PRIM2: variants seen among roughly 807,000 people sequenced by gnomAD.
The protein encoded by PRIM2 is DNA primase large subunit.
A neutral mutation model predicts 67.3 loss-of-function variants in PRIM2; 39 were observed. The ratio of observed to expected loss-of-function variants is 0.58; its 90% confidence interval spans 0.45 to 0.76. The LOEUF is 0.76. PRIM2 is among the 30% of genes least tolerant of loss of function. The probability of loss-of-function intolerance (pLI) is 0.00; values close to 1 mark genes in which losing one functional copy is unlikely to be tolerated. For missense variants in PRIM2, 398 were observed against 598.7 expected (o/e 0.66, Z 3.50); for synonymous variants, 143 against 198.7 (o/e 0.72, Z 2.36).
At chr6:57,391,089 T>C (rs1471272036) in intron 7 of PRIM2, among the ~76,000 whole-genome samples, 1 of 145,784 alleles carries the variant, frequency 6.9e-6, no homozygotes, top group Non-Finnish European at 1.5e-5. Context: ...CTGACTGGTA[T>C]GAGATGGTAT....
chr6:57,619,070 G>A (rs1776805573), intron 12 of PRIM2, among the ~76,000 whole-genome samples: 1 of 152,172 alleles, frequency 6.6e-6, no homozygotes, highest in Non-Finnish European at 1.5e-5. Context: ...CCGTGGTTGA[G>A]AGACCCATAG....
At chr6:57,518,324 A>C (rs1554348479) in intron 8 of PRIM2, among the ~76,000 whole-genome samples, 1 of 152,214 alleles carries the variant, frequency 6.6e-6, no homozygotes, top group Non-Finnish European at 1.5e-5. Context: ...TTAATCATCC[A>C]ATGTAAAGTC....
chr6:57,290,320 A>G, the PRIM2 span, among the ~76,000 whole-genome samples: 1 of 152,182 alleles, frequency 6.6e-6, no homozygotes, highest in African/African-American at 2.4e-5. Flanking sequence ...CTAAATATAT[A>G]TGCACCCAAT....
rs1385404257 is a variant in PRIM2 at position 57,320,521 on chromosome 6, G to A, written c.219G>A (p.Lys73=). The change falls in exon 3 of 14, where the codon AAG becomes AAA. Residue 73 remains lysine (K), a synonymous_variant. Transcript: ENST00000615550. ...AAGGAACTGAACAATACCAGAGTAA[G>A]TTGGAGAGTGAGCTTCGGAAGCTCA... ...YVKGTEQYQS[K]LESELRKLKF... 1 of 1,610,122 alleles carries A rather than the reference G, an allele frequency of 6.2e-7. No homozygotes were observed. The highest frequency in any genetic ancestry group is 2.2e-5 in the East Asian group (1 of 44,838).
the PRIM2 span, among the ~76,000 whole-genome samples, chr6:57,300,456 T>TTC: frequency 1.3e-5 from 2 of 152,096 alleles, no homozygotes; most frequent in African/African-American, 4.8e-5. Context: ...TGTGTGTATG[T>TTC]GCGTGTGTGT....
chr6:57,408,385 T>G (rs1414984518), intron 7 of PRIM2, among the ~76,000 whole-genome samples: 1 of 152,198 alleles, frequency 6.6e-6, no homozygotes, highest in East Asian at 1.9e-4. Flanking sequence ...AGACGGTGTC[T>G]GATTTGCATA....
intron 12 of PRIM2, among the ~76,000 whole-genome samples, chr6:57,607,123 C>T (rs1273062692): frequency 6.6e-6 from 1 of 152,148 alleles, no homozygotes; most frequent in African/African-American, 2.4e-5. Context: ...CTTCTGCTTC[C>T]TTAGCTTAAA....
chr6:57,371,531 T>A (rs552353168), intron 5 of PRIM2, among the ~76,000 whole-genome samples: 2 of 152,312 alleles, frequency 1.3e-5, no homozygotes, highest in East Asian at 3.9e-4. Flanking sequence ...AATTTCAGTT[T>A]TGCCAGATCT....
chr6:57,244,370 T>C, the PRIM2 span, among the ~76,000 whole-genome samples: 1 of 152,242 alleles, frequency 6.6e-6, no homozygotes, highest in Non-Finnish European at 1.5e-5. Flanking sequence ...AGAGAACTTT[T>C]GTTCACATAA....
the PRIM2 span, among the ~76,000 whole-genome samples, chr6:57,256,714 T>TCACACACACACACA: frequency 3.7e-5 from 5 of 134,484 alleles, no homozygotes; most frequent in East Asian, 6.1e-4. Context: ...TCTCTCACTT[T>TCACACACACACACA]CACACACACA....
Position 57,646,501 on chromosome 6 carries a change from G to C in PRIM2, c.*343G>C. 5.2e-6 allele frequency: 1 copy of C among 193,898 alleles called. No individual in the cohort carries two copies. Among genetic ancestry groups the C allele is most frequent in the Admixed American group, 5.8e-5 (1 of 17,254 alleles). 12.0% of individuals were successfully genotyped at this position (193,898 alleles called of 1,614,324 possible). The stretch of plus-strand genomic sequence containing the variant: ...GCTGGGATTACGGTTGTGAGCCACT[G>C]TGCCTGGCCTTTTTTTTTTTTTTAA... On this transcript the variant is annotated 3_prime_UTR_variant, in exon 14 of 14. Transcript: ENST00000615550.
chr6:57,620,745 AT>A (rs1776838201), intron 12 of PRIM2, among the ~76,000 whole-genome samples: 1 of 152,280 alleles, frequency 6.6e-6, no homozygotes, highest in Admixed American at 6.5e-5. Flanking sequence ...CTAACATTGA[AT>A]GTAAATGGCC....
intron 7 of PRIM2, among the ~76,000 whole-genome samples, chr6:57,417,013 C>G (rs1213916594): frequency 2.6e-4 from 39 of 151,082 alleles, no homozygotes; most frequent in African/African-American, 8.7e-4. Flanking sequence ...GTCACTCAGG[C>G]TGGAGTGCAA....
At chr6:57,573,712 G>C (rs1231730053) in intron 10 of PRIM2, among the ~76,000 whole-genome samples, 2 of 152,072 alleles carry the variant, frequency 1.3e-5, no homozygotes, top group Non-Finnish European at 2.9e-5. Flanking sequence ...TAAGCAATTG[G>C]ATTTGTCTTT....
At chr6:57,426,548 C>T (rs1303153115) in intron 7 of PRIM2, among the ~76,000 whole-genome samples, 7 of 152,122 alleles carry the variant, frequency 4.6e-5, no homozygotes, top group African/African-American at 7.2e-5. Flanking sequence ...TGCTAGTCAT[C>T]GAGGAAATGC....
intron 8 of PRIM2, among the ~76,000 whole-genome samples, chr6:57,508,999 C>G (rs1201667517): frequency 1.2e-4 from 19 of 152,126 alleles, no homozygotes; most frequent in Non-Finnish European, 2.1e-4. Context: ...TCTTTTTAAA[C>G]TTCTCTTTCA....
At chr6:57,272,905 T>A in the PRIM2 span, among the ~76,000 whole-genome samples, 1 of 152,232 alleles carries the variant, frequency 6.6e-6, no homozygotes, top group Non-Finnish European at 1.5e-5. Flanking sequence ...TGGCTGGATA[T>A]GAAATTCTGG....
At chr6:57,298,023 CTT>C in the PRIM2 span, among the ~76,000 whole-genome samples, 1 of 152,122 alleles carries the variant, frequency 6.6e-6, no homozygotes, top group Admixed American at 6.6e-5. Flanking sequence ...TTACTTCTCA[CTT>C]TTTATACACC....
Position 57,601,159 on chromosome 6 carries a change from A to G in PRIM2, c.1087A>G (p.Thr363Ala). Residue 363 changes from threonine to alanine, a missense_variant, in exon 11 of 14, where the codon ACA (threonine) becomes GCA (alanine). Transcript: ENST00000615550. ...AAAGGAAGGCAAGAGGACAGACTAT[A>G]CACCTTTCAGTTGCCTGAAGATTAT... ...FGKEGKRTDY[T>A]PFSCLKIILS... is the part of the protein sequence containing the mutation. 6.2e-7 allele frequency: 1 copy of G among 1,612,876 alleles called. No individual in the cohort carries two copies. Among genetic ancestry groups the G allele is most frequent in the East Asian group, 2.2e-5 (1 of 44,824 alleles).
Sources: gnomAD v4.1 joint callset for allele counts (sites outside exome capture counted in the v4.1 genomes callset) on GRCh38, gnomAD v4.1.1 for gene constraint, MANE v1.5 for transcripts, NCBI Gene and HGNC (gene_info 2026-07-23, HGNC 2026-07-21) for gene names.